Variants in RHBDD1 observed in about 807,000 individuals in gnomAD.
RHBDD1 encodes the protein rhomboid-related protein 4.
Under a neutral mutation model 36.3 loss-of-function variants are expected in RHBDD1, and 38 were observed. The observed-to-expected ratio is 1.05, with a 90% CI of 0.81 to 1.37. The LOEUF (loss-of-function observed/expected upper bound fraction) is 1.37. Ranked by LOEUF, RHBDD1 falls within the 40% of genes most tolerant of loss-of-function variation. The pLI is 0.00. For missense variants in RHBDD1, 393 were observed against 377.6 expected, an observed-to-expected ratio of 1.04 and a Z score of -0.34; for synonymous variants, 151 against 136.5, an observed-to-expected ratio of 1.11 and a Z score of -0.74.
intron 8 of RHBDD1, among the ~76,000 whole-genome samples, chr2:226,984,990 G>A (rs1298961847): frequency 6.6e-6 from 1 of 151,250 alleles, no homozygotes; most frequent in African/African-American, 2.4e-5. Flanking sequence ...ACAAGTGGGG[G>A]GTTTGAGTGA....
chr2:226,857,814 G>A (rs924849844), intron 3 of RHBDD1, among the ~76,000 whole-genome samples: 1 of 151,946 alleles, frequency 6.6e-6, no homozygotes, highest in Non-Finnish European at 1.5e-5. Context: ...ATGGGTATGG[G>A]GTCTCTCTTT....
chr2:226,973,769 T>C (rs1285123475), intron 8 of RHBDD1, among the ~76,000 whole-genome samples: 3 of 152,226 alleles, frequency 2.0e-5, no homozygotes, highest in Non-Finnish European at 4.4e-5. Context: ...ACCTGCCTCC[T>C]TCACTAGCAG....
chr2:226,871,251 T>C (rs1231619752), intron 5 of RHBDD1, among the ~76,000 whole-genome samples: 3 of 152,194 alleles, frequency 2.0e-5, no homozygotes, highest in Non-Finnish European at 4.4e-5. Flanking sequence ...TATTTATAAA[T>C]TTATAAATTT....
chr2:226,842,039 A>G (rs1346777961), intron 3 of RHBDD1, among the ~76,000 whole-genome samples: 2 of 152,048 alleles, frequency 1.3e-5, no homozygotes, highest in African/African-American at 2.4e-5. Flanking sequence ...GCATTTCTCT[A>G]ATGATCAGTG....
At chr2:226,843,540 G>T (rs1269140623) in intron 3 of RHBDD1, among the ~76,000 whole-genome samples, 1 of 152,144 alleles carries the variant, frequency 6.6e-6, no homozygotes, top group Non-Finnish European at 1.5e-5. Context: ...TGTGGTTTTT[G>T]TCTTTAGTTC....
At chr2:226,880,097 T>C (rs758046034) in intron 5 of RHBDD1, among the ~76,000 whole-genome samples, 6 of 152,192 alleles carry the variant, frequency 3.9e-5, no homozygotes, top group Non-Finnish European at 7.4e-5. Flanking sequence ...TGGTTTTCTG[T>C]TTATATTGTA....
chr2:226,901,175 C>T (rs2396432), intron 5 of RHBDD1, among the ~76,000 whole-genome samples: 67,675 of 151,802 alleles, frequency 0.45, 15,234 homozygotes, highest in South Asian at 0.52. Flanking sequence ...TAGATTTGTC[C>T]GTGTTGTCTT....
intron 5 of RHBDD1, among the ~76,000 whole-genome samples, chr2:226,898,679 A>G (rs955508499): frequency 6.6e-6 from 1 of 152,244 alleles, no homozygotes; most frequent in Non-Finnish European, 1.5e-5. Context: ...CAATCCTGTC[A>G]GAATCTTTCC....
At chr2:226,919,883 G>T (rs1319970979) in intron 8 of RHBDD1, among the ~76,000 whole-genome samples, 1 of 151,802 alleles carries the variant, frequency 6.6e-6, no homozygotes, top group Non-Finnish European at 1.5e-5. Context: ...TTTTGATAGG[G>T]GTTGCATTGA....
intron 8 of RHBDD1, among the ~76,000 whole-genome samples, chr2:226,956,889 A>T (rs1389173373): frequency 2.6e-5 from 4 of 152,202 alleles, no homozygotes. Flanking sequence ...AGGCCAAATC[A>T]GCCCTTATTG....
chr2:226,828,948 A>C, the RHBDD1 span, among the ~76,000 whole-genome samples: 2 of 152,084 alleles, frequency 1.3e-5, no homozygotes, highest in African/African-American at 4.8e-5. Flanking sequence ...TTTTCCTGTC[A>C]TATGTAGAAG....
At chr2:226,925,546 C>T (rs4144327) in intron 8 of RHBDD1, among the ~76,000 whole-genome samples, 70,325 of 151,852 alleles carry the variant, frequency 0.46, 16,522 homozygotes, top group African/African-American at 0.54. Flanking sequence ...AATATTTTTC[C>T]TTAGGAAAAA....
intron 5 of RHBDD1, among the ~76,000 whole-genome samples, chr2:226,876,427 T>G (rs1257688513): frequency 6.6e-6 from 1 of 152,226 alleles, no homozygotes. Context: ...TATTGGGAAC[T>G]TCCTACATGC....
chr2:226,956,792 C>T lies in RHBDD1; in HGVS notation c.857-38639C>T, dbSNP rs887119714. ...GGCAGTGAGCTGCAGGAATCCTAAG[C>T]ATGACACAGAGACAGAGGGATCATG... On this transcript the variant is annotated intron_variant, in intron 8 of 8. Coordinates refer to ENST00000392062, the MANE Select transcript of RHBDD1 (RefSeq NM_001167608.3). Among the ~76,000 whole-genome samples, 3 of 152,208 alleles carry T rather than the reference C, an allele frequency of 2.0e-5. No individual in the cohort carries two copies. In the East Asian group the frequency reaches 5.8e-4, roughly 29 times the overall value.
At chr2:226,949,258 A>T (rs142488393) in intron 8 of RHBDD1, among the ~76,000 whole-genome samples, 151 of 152,372 alleles carry the variant, frequency 9.9e-4, no homozygotes, top group African/African-American at 3.4e-3. Flanking sequence ...CTTTCTTCAC[A>T]TAATTAGAAA....
intron 5 of RHBDD1, among the ~76,000 whole-genome samples, chr2:226,880,015 C>T (rs1945574399): frequency 2.0e-5 from 3 of 152,054 alleles, no homozygotes; most frequent in Admixed American, 6.5e-5. Flanking sequence ...CACAGGTTGG[C>T]CTGTGTGTGC....
chr2:226,810,540 C>CAAAAAAAA, the RHBDD1 span, among the ~76,000 whole-genome samples: 429 of 33,860 alleles, frequency 0.013, 69 homozygotes, highest in African/African-American at 0.053. Flanking sequence ...GACTCCGTCT[C>CAAAAAAAA]AAAAAAAAAA....
chr2:226,987,948 A>C (rs1957367404), intron 8 of RHBDD1, among the ~76,000 whole-genome samples: 1 of 152,124 alleles, frequency 6.6e-6, no homozygotes, highest in African/African-American at 2.4e-5. Context: ...ACTGCAGCAA[A>C]CTGGGCAATG....
intron 8 of RHBDD1, among the ~76,000 whole-genome samples, chr2:226,933,732 A>T (rs1343534124): frequency 6.6e-6 from 1 of 152,098 alleles, no homozygotes; most frequent in East Asian, 1.9e-4. Context: ...TAATTTAAGG[A>T]TTATGTAGCA....
Sources: allele counts gnomAD v4.1 joint callset (sites outside exome capture counted in the v4.1 genomes callset), GRCh38; gene constraint gnomAD v4.1.1; transcripts MANE v1.5; gene names NCBI Gene and HGNC (gene_info 2026-07-23, HGNC 2026-07-21).